The following STX8 variants were observed in gnomAD, a reference collection of about 807,000 sequenced individuals.
The protein encoded by STX8 is syntaxin-8.
A neutral mutation model predicts 37.5 loss-of-function variants in STX8; 23 were observed. That is an observed-to-expected ratio of 0.61 (90% confidence interval 0.44 to 0.87). The LOEUF (loss-of-function observed/expected upper bound fraction) is 0.87. Ranked by LOEUF, STX8 falls within the 40% of genes least tolerant of loss-of-function variation. The pLI is 0.00. For missense variants in STX8, 313 were observed against 284.7 expected (o/e 1.10, Z -0.71); for synonymous variants, 115 against 99.1 (o/e 1.16, Z -0.95).
chr17:9,382,583 C>A (rs1365502447), intron 6 of STX8, among the ~76,000 whole-genome samples: 1 of 152,080 alleles, frequency 6.6e-6, no homozygotes, highest in African/African-American at 2.4e-5. Flanking sequence ...CCTCCCCCAG[C>A]AAGATTTTTA....
At chr17:9,287,425 G>A (rs1220542937) in intron 7 of STX8, among the ~76,000 whole-genome samples, 1 of 152,112 alleles carries the variant, frequency 6.6e-6, no homozygotes, top group Non-Finnish European at 1.5e-5. Flanking sequence ...GAAACATGGG[G>A]GCAACAGGCA....
intron 6 of STX8, among the ~76,000 whole-genome samples, chr17:9,472,010 G>A (rs2142439429): frequency 6.6e-6 from 1 of 150,450 alleles, no homozygotes; most frequent in East Asian, 2.0e-4. Flanking sequence ...ACCTCTATCT[G>A]TACATACCCC....
At chr17:9,278,182 T>C (rs1433176391) in intron 7 of STX8, among the ~76,000 whole-genome samples, 86 of 152,182 alleles carry the variant, frequency 5.7e-4, no homozygotes, top group Non-Finnish European at 8.8e-5. Flanking sequence ...ATGCAGTGGC[T>C]TACGCCTGTA....
intron 7 of STX8, among the ~76,000 whole-genome samples, chr17:9,323,566 T>C (rs1276166276): frequency 1.3e-5 from 2 of 152,026 alleles, no homozygotes; most frequent in Non-Finnish European, 2.9e-5. Flanking sequence ...AGAAGAACGG[T>C]GGGATCACGG....
At chr17:9,335,663 AATTG>A (rs1473957206) in intron 7 of STX8, among the ~76,000 whole-genome samples, 2 of 152,180 alleles carry the variant, frequency 1.3e-5, no homozygotes, top group African/African-American at 4.8e-5. Context: ...TTCTACAGTA[AATTG>A]ATTATTTTTT....
At chr17:9,529,423 T>C (rs970588396) in intron 4 of STX8, among the ~76,000 whole-genome samples, 8 of 152,228 alleles carry the variant, frequency 5.3e-5, no homozygotes, top group African/African-American at 1.9e-4. Context: ...GCACTTATTC[T>C]TTAATTCAAG....
At position 9,307,853 on chromosome 17, in the gene STX8, G is replaced by C. The variant is rs72814199; in HGVS notation, c.644-57208C>G. On this transcript the variant is annotated intron_variant, in intron 7 of 7. Transcript: ENST00000306357. ...TTCCTCTTCCCAGAGGCTGGTCTTA[G>C]AAGCTAGAACTCTTCTCCCCCAAAA... Among the ~76,000 whole-genome samples, 1,405 of 152,142 alleles carry C rather than the reference G, an allele frequency of 9.2e-3. 15 individuals are homozygous for C. Among genetic ancestry groups the C allele is most frequent in the Admixed American group, 0.016 (243 of 15,280 alleles).
At chr17:9,378,692 C>T (rs773820259) in intron 6 of STX8, 39 bp from the exon 7 acceptor site, 4 of 1,461,416 alleles carry the variant, frequency 2.7e-6, no homozygotes, top group Non-Finnish European at 3.8e-6. Context: ...TCCTGAAATA[C>T]CCCGGTTCAC....
At chr17:9,437,269 A>G (rs1904468949) in intron 6 of STX8, among the ~76,000 whole-genome samples, 1 of 152,200 alleles carries the variant, frequency 6.6e-6, no homozygotes. Flanking sequence ...CAAAATGGCT[A>G]GTTTCTTTCT....
chr17:9,367,163 GT>G (rs1198442595), intron 7 of STX8, among the ~76,000 whole-genome samples: 1 of 141,066 alleles, frequency 7.1e-6, no homozygotes, highest in Non-Finnish European at 1.5e-5. Context: ...GTGGGTTTTT[GT>G]TTTTTTTGTT....
chr17:9,544,418 G>A (rs1906413427), intron 4 of STX8, among the ~76,000 whole-genome samples: 1 of 151,994 alleles, frequency 6.6e-6, no homozygotes, highest in Admixed American at 6.6e-5. Context: ...ACTCACTGGC[G>A]AAGAATGGGG....
chr17:9,442,866 G>A (rs912281378), intron 6 of STX8, among the ~76,000 whole-genome samples: 11 of 152,174 alleles, frequency 7.2e-5, no homozygotes, highest in Admixed American at 2.6e-4. Flanking sequence ...TCCTAAGAAC[G>A]TGTGAGATAT....
chr17:9,419,409 C>T (rs1054094268), intron 6 of STX8, among the ~76,000 whole-genome samples: 12 of 152,204 alleles, frequency 7.9e-5, no homozygotes, highest in African/African-American at 2.9e-4. Flanking sequence ...TTTTAATTTA[C>T]CTTATAAGAG....
intron 6 of STX8, among the ~76,000 whole-genome samples, chr17:9,380,043 C>T (rs945732855): frequency 6.6e-6 from 1 of 151,674 alleles, no homozygotes; most frequent in Non-Finnish European, 1.5e-5. Context: ...TGAAATTGAG[C>T]CCTTCACAAC....
intron 7 of STX8, among the ~76,000 whole-genome samples, chr17:9,326,067 T>C (rs769611497): frequency 7.2e-4 from 110 of 151,884 alleles, no homozygotes; most frequent in Non-Finnish European, 1.4e-3. Context: ...GATCCTCCAC[T>C]AGATGGGTCT....
At chr17:9,502,160 T>C (rs1443708809) in intron 5 of STX8, among the ~76,000 whole-genome samples, 8 of 152,118 alleles carry the variant, frequency 5.3e-5, no homozygotes, top group African/African-American at 1.7e-4. Context: ...TTCAAAAAAT[T>C]AAAAGTGATA....
At chr17:9,333,563 AT>A (rs562547848) in intron 7 of STX8, among the ~76,000 whole-genome samples, 7 of 151,754 alleles carry the variant, frequency 4.6e-5, no homozygotes, top group South Asian at 4.2e-4. Flanking sequence ...AATATTTTGT[AT>A]TTTTTTAGTA....
At chr17:9,445,901 G>C (rs2142394018) in intron 6 of STX8, among the ~76,000 whole-genome samples, 1 of 142,228 alleles carries the variant, frequency 7.0e-6, no homozygotes, top group South Asian at 2.2e-4. Context: ...GCAGTGGTGT[G>C]ATCTCAGCTC....
At chr17:9,343,727 C>G (rs1910446216) in intron 7 of STX8, among the ~76,000 whole-genome samples, 1 of 152,070 alleles carries the variant, frequency 6.6e-6, no homozygotes, top group East Asian at 1.9e-4. Context: ...GCTCCTGTTA[C>G]CAACTCAGCC....
Sources: allele counts gnomAD v4.1 joint callset (sites outside exome capture counted in the v4.1 genomes callset), GRCh38; gene constraint gnomAD v4.1.1; transcripts MANE v1.5; gene names NCBI Gene and HGNC (gene_info 2026-07-23, HGNC 2026-07-21).